The following NALCN variants were observed in gnomAD, a reference collection of about 807,000 sequenced individuals.
NALCN encodes sodium leak channel, non-selective, also known as sodium leak channel NALCN.
NALCN carries 111 observed loss-of-function variants against 225.3 expected under a neutral mutation model. The ratio of observed to expected loss-of-function variants is 0.49; its 90% CI spans 0.42 to 0.58. The LOEUF (loss-of-function observed/expected upper bound fraction) is 0.58, where lower values mean the gene tolerates loss of function less well. Among genes scored for constraint, NALCN ranks in the 20% least tolerant of loss-of-function variants. NALCN has a pLI of 0.00. For synonymous variants in NALCN, 764 were observed against 769.0 expected (o/e 0.99, Z 0.11); for missense variants, 1,378 against 2,202.4 (o/e 0.63, Z 7.49).
At chr13:101,224,955 T>A (rs2041083957) in intron 13 of NALCN, among the ~76,000 whole-genome samples, 2 of 152,144 alleles carry the variant, frequency 1.3e-5, no homozygotes, top group Non-Finnish European at 1.5e-5. Context: ...CCACGTTGAC[T>A]ACCAAGTATC....
At chr13:101,361,015 T>C (rs1045711987) in intron 6 of NALCN, among the ~76,000 whole-genome samples, 6 of 152,230 alleles carry the variant, frequency 3.9e-5, no homozygotes, top group Non-Finnish European at 8.8e-5. Flanking sequence ...TTTTAAACGA[T>C]TGATTTCTAA....
chr13:101,173,592 G>A (rs1395142802), intron 15 of NALCN, among the ~76,000 whole-genome samples: 1 of 152,120 alleles, frequency 6.6e-6, no homozygotes, highest in Non-Finnish European at 1.5e-5. Flanking sequence ...TTCAACCAAT[G>A]TCACCATAGC....
chr13:101,062,658 T>C (rs1048530923), intron 40 of NALCN, among the ~76,000 whole-genome samples: 1 of 152,118 alleles, frequency 6.6e-6, no homozygotes, highest in Non-Finnish European at 1.5e-5. Flanking sequence ...GGCTGGAGTG[T>C]AATGGCGTGC....
chr13:101,253,993 G>T (rs2042137241), intron 11 of NALCN, among the ~76,000 whole-genome samples: 1 of 152,144 alleles, frequency 6.6e-6, no homozygotes, highest in African/African-American at 2.4e-5. Context: ...AAATCACTTT[G>T]TCTCATGTAT....
At position 101,332,534 on chromosome 13, in the gene NALCN, C is replaced by A. The variant is rs554809469; in HGVS notation, c.799+12732G>T. Among the ~76,000 whole-genome samples the A allele has an allele frequency of 7.2e-5, 11 of 151,908 alleles. No homozygotes were observed. In the South Asian group the frequency reaches 2.3e-3, roughly 32 times the overall value. ...CAATCAATACCAAAGGAGAATTCTGCACTAATTGAAGCTAATTATCAAAAA... is the reference window on the plus strand; with the variant it reads ...CAATCAATACCAAAGGAGAATTCTGAACTAATTGAAGCTAATTATCAAAAA... On this transcript the variant is annotated intron_variant, in intron 7 of 43. Transcript: ENST00000251127.
chr13:101,139,670 G>A (rs2036972372), intron 17 of NALCN, among the ~76,000 whole-genome samples: 1 of 151,938 alleles, frequency 6.6e-6, no homozygotes, highest in African/African-American at 2.4e-5. Context: ...ATTTCCAAAG[G>A]CAATTGGGAT....
At chr13:101,341,599 T>A (rs533822616) in intron 7 of NALCN, among the ~76,000 whole-genome samples, 1,690 of 152,336 alleles carry the variant, frequency 0.011, 29 homozygotes, top group African/African-American at 0.038. Flanking sequence ...TATCATGATT[T>A]TTTTTCAGTT....
intron 11 of NALCN, among the ~76,000 whole-genome samples, chr13:101,255,752 T>G (rs2042210215): frequency 6.6e-6 from 1 of 152,228 alleles, no homozygotes; most frequent in South Asian, 2.1e-4. Context: ...TCCCAGAATC[T>G]ACTTTCTGTC....
chr13:101,089,652 A>C lies in NALCN; in HGVS notation c.3489+11T>G, dbSNP rs1171496808. 11 of 1,612,764 alleles carry C rather than the reference A, an allele frequency of 6.8e-6. No individual in the cohort carries two copies. The highest frequency in any genetic ancestry group is 6.7e-5 in the Admixed American group (4 of 59,972). On this transcript the variant is annotated intron_variant, in intron 30 of 43. Coordinates refer to ENST00000251127, the MANE Select transcript of NALCN (RefSeq NM_052867.4). This position sits in a 1 kb window ranked among gnomAD's most constrained non-coding sequence, Gnocchi z 4.7. Reference sequence around the variant, plus strand: ...GCTAAACCCTGTGGTATCCAAACCAAAAATCCTTACCTTGTTTTCATTGAA... The same window carrying C: ...GCTAAACCCTGTGGTATCCAAACCACAAATCCTTACCTTGTTTTCATTGAA...
chr13:101,174,795 GAT>G (rs1196332544), intron 15 of NALCN, among the ~76,000 whole-genome samples: 2 of 152,068 alleles, frequency 1.3e-5, no homozygotes, highest in Non-Finnish European at 2.9e-5. Flanking sequence ...AAAAAAATTG[GAT>G]ATTTTAAATT....
intron 17 of NALCN, among the ~76,000 whole-genome samples, chr13:101,141,209 C>T (rs1183600973): frequency 6.6e-6 from 1 of 152,028 alleles, no homozygotes; most frequent in Non-Finnish European, 1.5e-5. Context: ...GAGCAAATAT[C>T]TTAGTTGGCA....
intron 15 of NALCN, among the ~76,000 whole-genome samples, chr13:101,167,221 T>G (rs1438867237): frequency 6.6e-6 from 1 of 152,244 alleles, no homozygotes; most frequent in Non-Finnish European, 1.5e-5. Context: ...GTATGAATTT[T>G]AAGATTTCTT....
At chr13:101,379,307 G>A (rs894536770) in intron 3 of NALCN, among the ~76,000 whole-genome samples, 8 of 152,128 alleles carry the variant, frequency 5.3e-5, no homozygotes, top group African/African-American at 1.7e-4. Context: ...AGACAGTGTG[G>A]CGATTCCTCA....
intron 7 of NALCN, among the ~76,000 whole-genome samples, chr13:101,323,616 T>G (rs1056475063): frequency 6.6e-6 from 1 of 152,234 alleles, no homozygotes; most frequent in Admixed American, 6.5e-5. Context: ...AAGTCTGACA[T>G]GTAAATCTTA....
chr13:101,074,310 T>A (rs1260608606), intron 36 of NALCN, among the ~76,000 whole-genome samples: 2 of 152,192 alleles, frequency 1.3e-5, no homozygotes, highest in African/African-American at 4.8e-5. Context: ...TTCTAAGGTT[T>A]TGAAAGTAGA....
intron 13 of NALCN, among the ~76,000 whole-genome samples, chr13:101,209,206 T>G (rs574311195): frequency 6.6e-6 from 1 of 152,322 alleles, no homozygotes; most frequent in East Asian, 1.9e-4. Flanking sequence ...TCCATTTTTC[T>G]TCAAGGCTCT....
intron 17 of NALCN, among the ~76,000 whole-genome samples, chr13:101,140,682 C>T (rs1275870844): frequency 6.6e-6 from 1 of 152,232 alleles, no homozygotes; most frequent in Non-Finnish European, 1.5e-5. Flanking sequence ...TATCCACTGA[C>T]ATATGACCTT....
intron 9 of NALCN, 57 bp from the exon 10 acceptor site, chr13:101,284,076 T>G: frequency 1.4e-6 from 2 of 1,429,480 alleles, no homozygotes; most frequent in Non-Finnish European, 1.9e-6. Flanking sequence ...CATTGAGAAC[T>G]CTATGTCTCC....
chr13:101,411,218 T>C (rs1367579555), intron 1 of NALCN, among the ~76,000 whole-genome samples: 2 of 145,856 alleles, frequency 1.4e-5, no homozygotes, highest in Non-Finnish European at 3.1e-5. Flanking sequence ...TTTTTTTTCC[T>C]TTTTTTTTGT....
Sources: allele counts gnomAD v4.1 joint callset (sites outside exome capture counted in the v4.1 genomes callset), GRCh38; gene constraint gnomAD v4.1.1; non-coding constraint Gnocchi (gnomAD v3.1); transcripts MANE v1.5; gene names NCBI Gene and HGNC (gene_info 2026-07-23, HGNC 2026-07-21).